Variants in DISP1 observed in about 807,000 individuals in gnomAD.
The protein encoded by DISP1 is dispatched RND transporter family member 1, also known as protein dispatched homolog 1.
A neutral mutation model predicts 37.3 loss-of-function variants in DISP1; 30 were observed. That is an observed-to-expected ratio of 0.80 (90% CI 0.60 to 1.09). DISP1 has a LOEUF of 1.09. Among genes scored for constraint, DISP1 ranks in the 50% least tolerant of loss-of-function variants. DISP1 has a pLI of 0.00. For synonymous variants in DISP1, 634 were observed against 690.2 expected, an observed-to-expected ratio of 0.92 and a Z score of 1.28; for missense variants, 1,598 against 1,879.5, an observed-to-expected ratio of 0.85 and a Z score of 2.77.
intron 3 of DISP1, among the ~76,000 whole-genome samples, chr1:222,969,284 C>G (rs1044485799): frequency 9.9e-5 from 14 of 140,898 alleles, no homozygotes; most frequent in Non-Finnish European, 2.0e-4. Flanking sequence ...ACAGGAGAAT[C>G]ACTTGAGTCT....
At chr1:222,984,349 T>TA (rs1678062858) in intron 4 of DISP1, among the ~76,000 whole-genome samples, 1 of 142,136 alleles carries the variant, frequency 7.0e-6, no homozygotes, top group Admixed American at 7.4e-5. Context: ...AGTTTGTGCT[T>TA]AGCTGAAATA....
chr1:222,870,887 T>A (rs1244506266), intron 1 of DISP1, among the ~76,000 whole-genome samples: 3 of 152,176 alleles, frequency 2.0e-5, no homozygotes, highest in Admixed American at 6.5e-5. Flanking sequence ...CTGAATGGTA[T>A]TGCCTAGGTT....
At chr1:222,864,042 T>C (rs541288706) in intron 1 of DISP1, among the ~76,000 whole-genome samples, 3 of 152,300 alleles carry the variant, frequency 2.0e-5, no homozygotes, top group Non-Finnish European at 4.4e-5. Flanking sequence ...CTCTAGACCC[T>C]CTCAGATCTC....
rs576538473 is a variant in DISP1, at chr1:222,946,090, T to G, written c.509+2758T>G. Among the ~76,000 whole-genome samples, 17 of 152,104 alleles carry G rather than the reference T, an allele frequency of 1.1e-4. No individual in the cohort carries two copies. The East Asian group carries it at 3.1e-3, about 28-fold the overall frequency. The stretch of plus-strand genomic sequence containing the variant: ...GAATTTTATCTCAAGAATTTGAGCC[T>G]TGGCCGGGCGTGGTGGCTCATGCCT... On this transcript the variant is annotated intron_variant, in intron 3 of 8. Coordinates refer to ENST00000675850, the MANE Select transcript of DISP1 (RefSeq NM_001377229.1).
At chr1:222,871,724 C>T (rs1313736029) in intron 1 of DISP1, among the ~76,000 whole-genome samples, 11 of 152,192 alleles carry the variant, frequency 7.2e-5, no homozygotes, top group African/African-American at 2.4e-4. Flanking sequence ...ACAATCATGT[C>T]ATCTGCAAAC....
chr1:222,957,183 C>T (rs750484231), intron 3 of DISP1, among the ~76,000 whole-genome samples: 4 of 148,962 alleles, frequency 2.7e-5, no homozygotes, highest in East Asian at 3.9e-4. Flanking sequence ...TCTTAGATTC[C>T]GCTTTTGGGG....
intron 1 of DISP1, among the ~76,000 whole-genome samples, chr1:222,865,404 A>G (rs1241802427): frequency 2.0e-5 from 3 of 152,200 alleles, no homozygotes; most frequent in Non-Finnish European, 2.9e-5. Context: ...AGCCCTGTAT[A>G]GAAACATTTA....
At chr1:222,936,545 A>G (rs202047604) in intron 2 of DISP1, among the ~76,000 whole-genome samples, 3 of 134,332 alleles carry the variant, frequency 2.2e-5, no homozygotes, top group Admixed American at 8.2e-5. Context: ...CTCTCTCTAT[A>G]TATATATATA....
intron 1 of DISP1, among the ~76,000 whole-genome samples, chr1:222,839,956 A>G (rs543209027): frequency 4.8e-4 from 73 of 152,016 alleles, no homozygotes; most frequent in African/African-American, 1.7e-3. Flanking sequence ...CATTTAGTAC[A>G]CCTAGCTTAA....
At chr1:222,924,533 T>G (rs951456749) in intron 1 of DISP1, among the ~76,000 whole-genome samples, 1 of 152,196 alleles carries the variant, frequency 6.6e-6, no homozygotes, top group Non-Finnish European at 1.5e-5. Context: ...TGCTCTGGTC[T>G]GAAGTTTTCA....
chr1:222,964,046 A>G (rs1676273149), intron 3 of DISP1, among the ~76,000 whole-genome samples: 1 of 152,094 alleles, frequency 6.6e-6, no homozygotes, highest in South Asian at 2.1e-4. Context: ...CAGGCATATA[A>G]TCCCAGGACT....
At chr1:222,947,646 C>A (rs1022212039) in intron 3 of DISP1, among the ~76,000 whole-genome samples, 3 of 152,112 alleles carry the variant, frequency 2.0e-5, no homozygotes, top group African/African-American at 7.2e-5. Flanking sequence ...GTGGCTGCAC[C>A]ATTTTACACC....
At chr1:222,899,088 T>C (rs1671440698) in intron 1 of DISP1, among the ~76,000 whole-genome samples, 2 of 152,210 alleles carry the variant, frequency 1.3e-5, no homozygotes, top group South Asian at 4.1e-4. Flanking sequence ...AATATTCTTA[T>C]GTAAGAATAT....
chr1:222,888,088 C>T (rs546214199), intron 1 of DISP1, among the ~76,000 whole-genome samples: 1 of 152,262 alleles, frequency 6.6e-6, no homozygotes, highest in Admixed American at 6.5e-5. Context: ...CTGTTAGGAG[C>T]AGGTTGCATT....
At chr1:222,950,141 G>A (rs764435554) in intron 3 of DISP1, among the ~76,000 whole-genome samples, 3 of 152,184 alleles carry the variant, frequency 2.0e-5, no homozygotes, top group Admixed American at 6.5e-5. Context: ...GATCCCTGTA[G>A]GTTATTGAGG....
intron 1 of DISP1, among the ~76,000 whole-genome samples, chr1:222,825,610 C>T (rs554177741): frequency 7.8e-4 from 118 of 150,948 alleles, no homozygotes; most frequent in African/African-American, 2.7e-3. Context: ...AAGTGATTCT[C>T]GTGCCTCAGC....
Position 222,938,735 on chromosome 1 carries a change from A to T in DISP1, c.-17-4072A>T, listed in dbSNP as rs1484646457. The stretch of plus-strand genomic sequence containing the variant: ...GTGACAGAGCAAGACCCTGTCTTTA[A>T]AAAAAAAAAAAAAAAAAAAAAAAAA... On this transcript the variant is annotated intron_variant, in intron 2 of 8. Transcript: ENST00000675850. Among the ~76,000 whole-genome samples the T allele has an allele frequency of 3.2e-3, 122 of 37,962 alleles. 1 individual carries two copies. The highest frequency in any genetic ancestry group is 0.013 in the African/African-American group (120 of 9,318). The allele number at this position is 37,962 out of a possible 152,430, so 24.9% of individuals were successfully genotyped here.
chr1:222,891,205 A>G (rs1019600881), intron 1 of DISP1, among the ~76,000 whole-genome samples: 2 of 152,184 alleles, frequency 1.3e-5, no homozygotes, highest in African/African-American at 4.8e-5. Flanking sequence ...TAGCTGAAGC[A>G]TAGAAACTGA....
At chr1:222,936,592 G>GAGAT (rs1558339091) in intron 2 of DISP1, among the ~76,000 whole-genome samples, 522 of 49,934 alleles carry the variant, frequency 0.01, 42 homozygotes, top group Non-Finnish European at 0.014. Flanking sequence ...ATATATGAGA[G>GAGAT]ATATATATCT....
Sources: gnomAD v4.1 joint callset for allele counts (sites outside exome capture counted in the v4.1 genomes callset) on GRCh38, gnomAD v4.1.1 for gene constraint, MANE v1.5 for transcripts, NCBI Gene and HGNC (gene_info 2026-07-23, HGNC 2026-07-21) for gene names.